The following MCMDC2 variants were observed in gnomAD, a reference collection of about 807,000 sequenced individuals.
MCMDC2 encodes the protein minichromosome maintenance domain containing 2.
In MCMDC2, 54 loss-of-function variants were observed where a neutral mutation model predicts 75.8. The observed-to-expected ratio is 0.71, with a 90% CI of 0.57 to 0.89. The LOEUF (loss-of-function observed/expected upper bound fraction) is 0.89. MCMDC2 is among the 40% of genes least tolerant of loss of function. MCMDC2 has a pLI of 0.00. For missense variants in MCMDC2, 656 were observed against 780.4 expected (o/e 0.84, Z 1.90); for synonymous variants, 249 against 274.6 (o/e 0.91, Z 0.92).
chr8:66,894,154 T>C (rs571242091), intron 10 of MCMDC2, among the ~76,000 whole-genome samples: 3 of 152,214 alleles, frequency 2.0e-5, no homozygotes, highest in Non-Finnish European at 4.4e-5. Flanking sequence ...CTCCCATGTG[T>C]CATGGGTGCA....
At chr8:66,910,948 CTA>C (rs1318523786) in intron 14 of MCMDC2, among the ~76,000 whole-genome samples, 1 of 152,302 alleles carries the variant, frequency 6.6e-6, no homozygotes, top group Non-Finnish European at 1.5e-5. Flanking sequence ...TAGGAAGTAA[CTA>C]ACTTGCTTTT....
chr8:66,925,803 C>G (rs1813702288), downstream of MCMDC2, among the ~76,000 whole-genome samples: 1 of 152,202 alleles, frequency 6.6e-6, no homozygotes, highest in Admixed American at 6.5e-5. Flanking sequence ...TCTGCTAGAG[C>G]TAGTCAATGT....
At chr8:66,871,082 TC>T (rs1810993248) in intron 1 of MCMDC2, among the ~76,000 whole-genome samples, 1 of 152,192 alleles carries the variant, frequency 6.6e-6, no homozygotes, top group East Asian at 1.9e-4. Flanking sequence ...TAGAATTTTA[TC>T]CCTGTTCCCT....
intron 13 of MCMDC2, among the ~76,000 whole-genome samples, chr8:66,903,576 G>A (rs561029517): frequency 2.3e-4 from 35 of 152,262 alleles, no homozygotes; most frequent in Admixed American, 2.0e-3. Context: ...CAAAAATAAA[G>A]TAGTTAATTT....
At chr8:66,917,847 G>T (rs995866462) in intron 14 of MCMDC2, among the ~76,000 whole-genome samples, 1 of 152,116 alleles carries the variant, frequency 6.6e-6, no homozygotes, top group Non-Finnish European at 1.5e-5. Context: ...TGTCTATTGT[G>T]AATTACACTG....
chr8:66,879,284 T>C (rs112939680), intron 7 of MCMDC2, among the ~76,000 whole-genome samples: 10,063 of 149,744 alleles, frequency 0.067, 402 homozygotes, highest in African/African-American at 0.11. Context: ...AAAATAATAA[T>C]AACAACAAAA....
chr8:66,890,922 T>C lies in MCMDC2; in HGVS notation c.1131T>C (p.Thr377=). ...VPRGIRHLVS[T]EIFPTLSRNK... ...GTGGTATACGTCATCTAGTCTCTAC[T>C]GAAATTTTTCCCACTCTATCCAGGA... Residue 377 remains threonine, a synonymous_variant, in exon 10 of 15, where the codon ACT becomes ACC. Coordinates refer to ENST00000422365, the MANE Select transcript of MCMDC2 (RefSeq NM_173518.5). The C allele has an allele frequency of 6.2e-7, 1 of 1,613,898 alleles. No individual in the cohort carries two copies. Among genetic ancestry groups the C allele is most frequent in the Non-Finnish European group, 8.5e-7 (1 of 1,179,970 alleles).
intron 14 of MCMDC2, among the ~76,000 whole-genome samples, chr8:66,909,387 T>C (rs993355794): frequency 6.6e-6 from 1 of 152,168 alleles, no homozygotes; most frequent in African/African-American, 2.4e-5. Context: ...ACTTTGTAAC[T>C]TGACAACAGG....
intron 9 of MCMDC2, among the ~76,000 whole-genome samples, chr8:66,889,639 A>C (rs1812004959): frequency 6.6e-6 from 1 of 152,150 alleles, no homozygotes; most frequent in African/African-American, 2.4e-5. Context: ...TCTCCAAAAA[A>C]AACAAAAAAT....
At chr8:66,871,000 G>A (rs1585838009) in intron 1 of MCMDC2, among the ~76,000 whole-genome samples, 169 bp downstream of exon 1, 1 of 152,318 alleles carries the variant, frequency 6.6e-6, no homozygotes, top group East Asian at 1.9e-4. Context: ...GGCACGGAGA[G>A]AAGACAGAAT....
chr8:66,917,038 G>A (rs760220730), intron 14 of MCMDC2, among the ~76,000 whole-genome samples: 2 of 152,160 alleles, frequency 1.3e-5, no homozygotes, highest in African/African-American at 2.4e-5. Flanking sequence ...AGCATCAAAG[G>A]AGAAAGAATT....
At chr8:66,873,018 T>C (rs1465022083) in intron 1 of MCMDC2, among the ~76,000 whole-genome samples, 2 of 152,028 alleles carry the variant, frequency 1.3e-5, no homozygotes, top group African/African-American at 4.8e-5. Flanking sequence ...AGTCATTATT[T>C]CTGACTTCTC....
intron 11 of MCMDC2, 147 bp downstream of exon 11, chr8:66,896,483 G>C (rs924404515): frequency 1.3e-6 from 1 of 783,026 alleles, no homozygotes; most frequent in Non-Finnish European, 1.9e-6. Context: ...TTTAAAAATT[G>C]TAATGTTTTT....
At position 66,921,481 on chromosome 8, in the gene MCMDC2, C is replaced by G. The variant is rs774137906; in HGVS notation, c.*2312C>G. ...TAAAAGGAATTTATAAGCTAGTACT[C>G]AACAGGAGAAAAGATTTAGCTCTAA... On this transcript the variant is annotated 3_prime_UTR_variant, in exon 15 of 15. Transcript: ENST00000422365. The G allele has an allele frequency of 2.6e-5, 4 of 152,148 alleles. No homozygotes were observed. The highest frequency in any genetic ancestry group is 5.9e-5 in the Non-Finnish European group (4 of 68,028). The allele number at this position is 152,148 out of a possible 1,614,324, so 9.4% of individuals were successfully genotyped here.
intron 9 of MCMDC2, among the ~76,000 whole-genome samples, chr8:66,890,131 A>G (rs2130821385): frequency 6.6e-6 from 1 of 152,108 alleles, no homozygotes; most frequent in South Asian, 2.1e-4. Context: ...CAGTGAAGTG[A>G]TCTCGGCTCA....
At chr8:66,879,411 G>T (rs564799107) in intron 7 of MCMDC2, among the ~76,000 whole-genome samples, 12 of 152,236 alleles carry the variant, frequency 7.9e-5, no homozygotes, top group Non-Finnish European at 1.8e-4. Context: ...TGGCCAACAT[G>T]GTGAAATCCC....
At chr8:66,890,743 T>C (rs1812065095) in intron 9 of MCMDC2, 122 bp from the exon 10 acceptor site, 1 of 825,956 alleles carries the variant, frequency 1.2e-6, no homozygotes, top group Admixed American at 2.9e-5. Flanking sequence ...TATATTTTTA[T>C]CCCTAGCACA....
intron 14 of MCMDC2, 131 bp downstream of exon 14, chr8:66,905,466 G>T (rs1204533994): frequency 9.7e-6 from 8 of 828,872 alleles, no homozygotes; most frequent in Middle Eastern, 4.3e-4. Context: ...TCTCTACCAG[G>T]TAAGGCCTGT....
At chr8:66,877,863 T>TAAAA (rs746087269) in intron 5 of MCMDC2, among the ~76,000 whole-genome samples, 2 of 87,462 alleles carry the variant, frequency 2.3e-5, no homozygotes. Flanking sequence ...TGACCCTGTC[T>TAAAA]AAAAAAAAAA....
Sources: allele counts gnomAD v4.1 joint callset (sites outside exome capture counted in the v4.1 genomes callset), GRCh38; gene constraint gnomAD v4.1.1; transcripts MANE v1.5; gene names NCBI Gene and HGNC (gene_info 2026-07-23, HGNC 2026-07-21).